PRKCQ: variants seen among roughly 807,000 people sequenced by gnomAD.
The protein encoded by PRKCQ is protein kinase C theta type.
A neutral mutation model predicts 91.2 loss-of-function variants in PRKCQ; 41 were observed. That is an observed-to-expected ratio of 0.45 (90% CI 0.35 to 0.58). The LOEUF (loss-of-function observed/expected upper bound fraction) is 0.58. PRKCQ is among the 20% of genes least tolerant of loss of function. The pLI, the probability that PRKCQ is intolerant of heterozygous loss-of-function variation, is 0.00. For synonymous variants in PRKCQ, 307 were observed against 316.9 expected (o/e 0.97, Z 0.33); for missense variants, 673 against 896.5 (o/e 0.75, Z 3.18).
intron 12 of PRKCQ, among the ~76,000 whole-genome samples, chr10:6,478,113 AT>A (rs1278059470): frequency 6.6e-6 from 1 of 152,238 alleles, no homozygotes; most frequent in Non-Finnish European, 1.5e-5. Flanking sequence ...AGAACAAAAA[AT>A]TAGAGATGTT....
intron 1 of PRKCQ, among the ~76,000 whole-genome samples, chr10:6,530,375 G>A (rs1298777139): frequency 6.6e-6 from 1 of 152,160 alleles, no homozygotes; most frequent in Admixed American, 6.5e-5. Flanking sequence ...ACTTCCTCCC[G>A]CGGGCGTGTG....
At position 6,513,488 on chromosome 10, in the gene PRKCQ, AG is replaced by A. The variant is rs1166204831; in HGVS notation, c.118+1529del. On this transcript the variant is annotated intron_variant, in intron 2 of 17. Coordinates refer to ENST00000263125, the MANE Select transcript of PRKCQ (RefSeq NM_006257.5). ...AAAAAGCCCTCAGGAAGCAAATGTC[AG>A]GGAGACCTGAGATGGTAAAGAGAAC... Among the ~76,000 whole-genome samples, 12 of 148,212 alleles carry A rather than the reference AG, an allele frequency of 8.1e-5. No individual in the cohort carries two copies. The South Asian group carries it at 2.6e-3, about 32-fold the overall frequency.
At chr10:6,559,730 C>CA (rs1227607647) in intron 1 of PRKCQ, among the ~76,000 whole-genome samples, 1 of 152,030 alleles carries the variant, frequency 6.6e-6, no homozygotes, top group Non-Finnish European at 1.5e-5. Context: ...CACTCTCCAT[C>CA]AAAAAAGGAA....
intron 14 of PRKCQ, among the ~76,000 whole-genome samples, chr10:6,458,826 T>C (rs1029941466): frequency 6.6e-6 from 1 of 152,200 alleles, no homozygotes; most frequent in African/African-American, 2.4e-5. Context: ...AATATAATCT[T>C]AAGGTTCTTC....
intron 2 of PRKCQ, among the ~76,000 whole-genome samples, chr10:6,513,216 T>C (rs538473292): frequency 4.1e-4 from 62 of 152,266 alleles, no homozygotes; most frequent in African/African-American, 1.3e-3. Flanking sequence ...AAATGCAGCC[T>C]TACACCCCAA....
At chr10:6,416,836 G>A in the PRKCQ span, among the ~76,000 whole-genome samples, 6 of 152,192 alleles carry the variant, frequency 3.9e-5, no homozygotes, top group African/African-American at 7.2e-5. Flanking sequence ...CACCAGCAGC[G>A]TAAAAGTGTT....
At chr10:6,483,961 C>G (rs1380287681) in intron 10 of PRKCQ, among the ~76,000 whole-genome samples, 1 of 152,156 alleles carries the variant, frequency 6.6e-6, no homozygotes, top group African/African-American at 2.4e-5. Context: ...GGATTTTAAC[C>G]AAATTTTAGG....
the PRKCQ span, among the ~76,000 whole-genome samples, chr10:6,402,201 G>A: frequency 6.6e-6 from 1 of 151,902 alleles, no homozygotes; most frequent in African/African-American, 2.4e-5. Context: ...CCTGTTGGGG[G>A]ATTGGGGACT....
intron 2 of PRKCQ, among the ~76,000 whole-genome samples, chr10:6,513,861 T>C (rs536664062): frequency 6.6e-6 from 1 of 152,212 alleles, no homozygotes; most frequent in African/African-American, 2.4e-5. Flanking sequence ...TATCTGCAAA[T>C]GTCCCTCGCT....
intron 1 of PRKCQ, among the ~76,000 whole-genome samples, chr10:6,563,652 C>T (rs777198980): frequency 4.2e-4 from 64 of 152,188 alleles, no homozygotes; most frequent in African/African-American, 1.4e-3. Context: ...GGGATCACAC[C>T]GCCTTCTTCC....
chr10:6,436,857 A>G (rs926977461), intron 16 of PRKCQ, among the ~76,000 whole-genome samples: 10 of 151,810 alleles, frequency 6.6e-5, no homozygotes, highest in African/African-American at 2.2e-4. Flanking sequence ...ATCACTTCCA[A>G]CTTCTCTCCA....
intron 1 of PRKCQ, among the ~76,000 whole-genome samples, chr10:6,563,264 C>G (rs1366322247): frequency 1.3e-5 from 2 of 152,086 alleles, no homozygotes; most frequent in Admixed American, 6.5e-5. Flanking sequence ...CCCAGTGCCT[C>G]TCCTCCTCTT....
the PRKCQ span, among the ~76,000 whole-genome samples, chr10:6,419,177 T>G: frequency 1.4e-5 from 2 of 146,362 alleles, no homozygotes; most frequent in African/African-American, 2.8e-5. Flanking sequence ...AACTATCTAC[T>G]TCTGTCTATC....
chr10:6,507,270 G>A (rs1484043264), intron 4 of PRKCQ, among the ~76,000 whole-genome samples, 166 bp downstream of exon 4: 1 of 152,176 alleles, frequency 6.6e-6, no homozygotes, highest in African/African-American at 2.4e-5. Flanking sequence ...CCCAGATAGT[G>A]TCTTTTAAAG....
At chr10:6,446,897 C>G (rs1353054129) in intron 15 of PRKCQ, among the ~76,000 whole-genome samples, 1 of 152,210 alleles carries the variant, frequency 6.6e-6, no homozygotes, top group Non-Finnish European at 1.5e-5. Flanking sequence ...CAAGCCTCAT[C>G]TGTTCTCCTT....
chr10:6,483,456 T>C lies in PRKCQ; in HGVS notation c.1163A>G (p.Lys388Arg), dbSNP rs1836725265. 7 of 1,614,118 alleles carry C rather than the reference T, an allele frequency of 4.3e-6. 1 individual carries two copies. The Admixed American group carries it at 8.3e-5, about 19-fold the overall frequency. ...TTAGCTTACCTTGCCAAAACTTCCT[T>C]TCCCCAACATTTTGTGCAAGATAAA... ...EDFILHKMLG[K>R]GSFGKVFLAE... The change falls in exon 11 of 18, where the codon AAA (lysine) becomes AGA (arginine). Residue 388 changes from lysine (K) to arginine (R), a missense_variant. Transcript: ENST00000263125.
At chr10:6,571,142 C>T (rs562763324) in intron 1 of PRKCQ, among the ~76,000 whole-genome samples, 2 of 152,150 alleles carry the variant, frequency 1.3e-5, no homozygotes, top group South Asian at 2.1e-4. Context: ...CACAGAGCTA[C>T]GGCATCCTGA....
chr10:6,500,082 A>G (rs563108163), intron 4 of PRKCQ, among the ~76,000 whole-genome samples: 23 of 152,336 alleles, frequency 1.5e-4, no homozygotes, highest in African/African-American at 5.5e-4. Context: ...TGGTCTTTTT[A>G]CCTGGAACTA....
At chr10:6,575,775 C>T (rs959112489) in intron 1 of PRKCQ, among the ~76,000 whole-genome samples, 2 of 152,204 alleles carry the variant, frequency 1.3e-5, no homozygotes, top group African/African-American at 2.4e-5. Flanking sequence ...GGTGCGGTGG[C>T]TCACGCCTGT....
Sources: gnomAD v4.1 joint callset for allele counts (sites outside exome capture counted in the v4.1 genomes callset) on GRCh38, gnomAD v4.1.1 for gene constraint, MANE v1.5 for transcripts, NCBI Gene and HGNC (gene_info 2026-07-23, HGNC 2026-07-21) for gene names.